GALNT13: variants seen among roughly 807,000 people sequenced by gnomAD.
GALNT13 encodes the protein UDP-GalNAc:polypeptide N-acetylgalactosaminyltransferase 13.
GALNT13 carries 28 observed loss-of-function variants against 64.2 expected under a neutral mutation model. The observed-to-expected ratio is 0.44, with a 90% CI of 0.32 to 0.60. The LOEUF (loss-of-function observed/expected upper bound fraction) is 0.60, where lower values mean the gene tolerates loss of function less well. Among genes scored for constraint, GALNT13 ranks in the 20% least tolerant of loss-of-function variants. The pLI is 0.05. For missense variants in GALNT13, 577 were observed against 669.8 expected (o/e 0.86, Z 1.53); for synonymous variants, 214 against 224.6 (o/e 0.95, Z 0.42).
At chr2:154,066,676 A>C (rs3108893) in intron 3 of GALNT13, among the ~76,000 whole-genome samples, 152,156 of 152,156 alleles carry the variant, frequency 1, 76,078 homozygotes, top group Non-Finnish European at 1. Flanking sequence ...TTTTTCAGTA[A>C]AAACAAAAGT....
In GALNT13 at chr2:153,946,470, G is replaced by T. The variant is rs563644461; in HGVS notation, c.142+1831G>T. Among the ~76,000 whole-genome samples, 4 of 152,140 alleles carry T rather than the reference G, an allele frequency of 2.6e-5. No homozygotes were observed. In the South Asian group the frequency reaches 8.3e-4, roughly 32 times the overall value. ...AGGTTGTTAAAAAAATATAGACTTGGTGGCTAACAAGGAACAGACATTTAT... is the reference window on the plus strand; with the variant it reads ...AGGTTGTTAAAAAAATATAGACTTGTTGGCTAACAAGGAACAGACATTTAT... On this transcript the variant is annotated intron_variant, in intron 3 of 12. Coordinates refer to ENST00000392825, the MANE Select transcript of GALNT13 (RefSeq NM_052917.4).
intron 2 of GALNT13, among the ~76,000 whole-genome samples, chr2:153,908,043 T>A (rs1173111364): frequency 1.3e-5 from 2 of 152,096 alleles, no homozygotes; most frequent in East Asian, 1.9e-4. Context: ...TGTGTAAGTG[T>A]TCCCTTTCGC....
Position 154,325,067 on chromosome 2 carries a change from TATC to T in GALNT13, c.1156+23482_1156+23484del, listed in dbSNP as rs147699651. Among the ~76,000 whole-genome samples the T allele has an allele frequency of 2.0e-3, 305 of 152,160 alleles. 1 individual carries two copies. The highest frequency in any genetic ancestry group is 6.8e-3 in the African/African-American group (281 of 41,518). On this transcript the variant is annotated intron_variant, in intron 9 of 12. Coordinates refer to ENST00000392825, the MANE Select transcript of GALNT13 (RefSeq NM_052917.4). Reference sequence around the variant, plus strand: ...ACTGTTTCACTGTAGCTGGAATCTCTATCATCTCATCTCCATGAGGCCAAACCT... The same window carrying T: ...ACTGTTTCACTGTAGCTGGAATCTCTATCTCATCTCCATGAGGCCAAACCT...
chr2:153,880,965 A>C (rs1686742721), intron 1 of GALNT13, among the ~76,000 whole-genome samples: 1 of 152,210 alleles, frequency 6.6e-6, no homozygotes, highest in Admixed American at 6.5e-5. Flanking sequence ...AAAACAAAAC[A>C]AAACAAAACA....
chr2:154,226,154 G>A (rs139805613), intron 4 of GALNT13, among the ~76,000 whole-genome samples: 109 of 152,186 alleles, frequency 7.2e-4, no homozygotes, highest in Non-Finnish European at 1.1e-3. Context: ...GCAGGAGAAG[G>A]TCAGAGAAAA....
intron 4 of GALNT13, among the ~76,000 whole-genome samples, chr2:154,213,039 A>G (rs528102763): frequency 5.1e-4 from 77 of 152,196 alleles, no homozygotes; most frequent in Admixed American, 8.5e-4. Context: ...AAAAAGGAAG[A>G]GTGGCTATAT....
chr2:154,045,107 A>T (rs1346277759), intron 3 of GALNT13, among the ~76,000 whole-genome samples: 1 of 152,250 alleles, frequency 6.6e-6, no homozygotes, highest in East Asian at 1.9e-4. Flanking sequence ...GATAAGGATG[A>T]ATCATGGATC....
the GALNT13 span, among the ~76,000 whole-genome samples, chr2:153,780,970 T>C: frequency 6.6e-6 from 1 of 152,284 alleles, no homozygotes; most frequent in Non-Finnish European, 1.5e-5. Context: ...TATGTTAATT[T>C]GTTGGTGAAT....
the GALNT13 span, among the ~76,000 whole-genome samples, chr2:153,329,245 A>C: frequency 1.3e-5 from 2 of 152,124 alleles, no homozygotes; most frequent in Non-Finnish European, 2.9e-5. Flanking sequence ...AGCTGTTCCT[A>C]TTCTGCCATC....
At chr2:154,282,270 G>T (rs1692001521) in intron 8 of GALNT13, among the ~76,000 whole-genome samples, 1 of 152,038 alleles carries the variant, frequency 6.6e-6, no homozygotes. Flanking sequence ...TCCCATATTT[G>T]AGGGGGAAAA....
At chr2:153,697,320 T>C in the GALNT13 span, among the ~76,000 whole-genome samples, 2 of 152,178 alleles carry the variant, frequency 1.3e-5, no homozygotes, top group South Asian at 2.1e-4. Context: ...AATTCTGCAA[T>C]CTTGTCACTT....
At chr2:153,760,044 CA>C in the GALNT13 span, among the ~76,000 whole-genome samples, 1 of 151,780 alleles carries the variant, frequency 6.6e-6, no homozygotes. Flanking sequence ...CGAATTTATC[CA>C]TTTCTTCTAA....
the GALNT13 span, among the ~76,000 whole-genome samples, chr2:153,771,012 T>A: frequency 6.6e-6 from 1 of 152,192 alleles, no homozygotes; most frequent in East Asian, 1.9e-4. Flanking sequence ...TCCAAACACC[T>A]GGAGATATGT....
chr2:153,779,925 G>T, the GALNT13 span, among the ~76,000 whole-genome samples: 1 of 151,592 alleles, frequency 6.6e-6, no homozygotes, highest in Non-Finnish European at 1.5e-5. Context: ...GTTCAGCTTC[G>T]TTTCCATCTA....
the GALNT13 span, among the ~76,000 whole-genome samples, chr2:153,788,349 T>C: frequency 1.3e-5 from 2 of 151,752 alleles, no homozygotes; most frequent in African/African-American, 4.8e-5. Flanking sequence ...CAAACTAAAC[T>C]TCATAACTGA....
At chr2:153,546,170 A>G in the GALNT13 span, among the ~76,000 whole-genome samples, 1 of 152,210 alleles carries the variant, frequency 6.6e-6, no homozygotes, top group South Asian at 2.1e-4. Flanking sequence ...ATTGCATTTA[A>G]AACTGGCATT....
At chr2:153,590,301 T>C in the GALNT13 span, among the ~76,000 whole-genome samples, 1 of 151,972 alleles carries the variant, frequency 6.6e-6, no homozygotes, top group Non-Finnish European at 1.5e-5. Context: ...AAATAGAAAA[T>C]TATAAGAGAC....
intron 9 of GALNT13, among the ~76,000 whole-genome samples, chr2:154,371,685 G>A (rs1574181788): frequency 6.6e-6 from 1 of 151,942 alleles, no homozygotes; most frequent in East Asian, 1.9e-4. Flanking sequence ...TTTAACCACT[G>A]GAGGAACTCA....
At chr2:154,423,506 G>C (rs567260804) in intron 11 of GALNT13, among the ~76,000 whole-genome samples, 1 of 152,278 alleles carries the variant, frequency 6.6e-6, no homozygotes, top group South Asian at 2.1e-4. Context: ...TACAATGACT[G>C]AACTAGTTTA....
Sources: gnomAD v4.1 joint callset for allele counts (sites outside exome capture counted in the v4.1 genomes callset) on GRCh38, gnomAD v4.1.1 for gene constraint, MANE v1.5 for transcripts, NCBI Gene and HGNC (gene_info 2026-07-23, HGNC 2026-07-21) for gene names.